RBM6: variants seen among roughly 807,000 people sequenced by gnomAD.
RBM6 encodes RNA-binding protein 6.
Under a neutral mutation model 140.4 loss-of-function variants are expected in RBM6, and 23 were observed. The observed-to-expected ratio is 0.16, with a 90% CI of 0.12 to 0.23. The LOEUF (loss-of-function observed/expected upper bound fraction) is 0.23, where lower values mean the gene tolerates loss of function less well. RBM6 is among the 10% of genes least tolerant of loss of function. RBM6 has a pLI of 1.00. For missense variants in RBM6, 1,139 were observed against 1,386.7 expected, an observed-to-expected ratio of 0.82 and a Z score of 2.84; for synonymous variants, 439 against 475.6, an observed-to-expected ratio of 0.92 and a Z score of 1.00.
chr3:50,003,302 TAAATTTAAA>T (rs2086425844), intron 6 of RBM6, among the ~76,000 whole-genome samples: 1 of 104,290 alleles, frequency 9.6e-6, no homozygotes, highest in Non-Finnish European at 1.9e-5. Context: ...AGACCCTGTC[TAAATTTAAA>T]AAAAAAAAAA....
chr3:50,048,605 A>G (rs979027333), intron 7 of RBM6, among the ~76,000 whole-genome samples: 1 of 152,080 alleles, frequency 6.6e-6, no homozygotes, highest in Non-Finnish European at 1.5e-5. Flanking sequence ...CTTGACATAT[A>G]ATATCTTCTC....
At chr3:50,074,544 C>T (rs1161844812) in intron 19 of RBM6, among the ~76,000 whole-genome samples, 1 of 152,202 alleles carries the variant, frequency 6.6e-6, no homozygotes, top group African/African-American at 2.4e-5. Context: ...TGGTCACGAA[C>T]TCCCAACCTC....
At chr3:49,983,721 T>C (rs1199589971) in intron 5 of RBM6, among the ~76,000 whole-genome samples, 11 of 152,234 alleles carry the variant, frequency 7.2e-5, no homozygotes, top group Non-Finnish European at 1.5e-4. Flanking sequence ...TCAGGTTTGA[T>C]ACAACCTTCG....
At chr3:50,040,168 C>T (rs528696041) in intron 6 of RBM6, among the ~76,000 whole-genome samples, 39 of 152,074 alleles carry the variant, frequency 2.6e-4, no homozygotes, top group Admixed American at 2.0e-3. Flanking sequence ...AGTTCTCGGC[C>T]GGGTGCCCTG....
intron 19 of RBM6, among the ~76,000 whole-genome samples, chr3:50,071,823 C>T (rs891404761): frequency 4.6e-5 from 7 of 151,598 alleles, no homozygotes; most frequent in African/African-American, 1.2e-4. Context: ...TGGTGGCTTA[C>T]GCCTGTAATC....
Position 50,058,487 on chromosome 3 carries a change from C to T in RBM6, c.2055C>T (p.Ala685=), listed in dbSNP as rs748111940. ...VLEPYVRLTT[A]NVRIIKNRTG... Reference sequence around the variant, plus strand: ...AGCCCTATGTCCGCCTTACTACTGCCAACGTCCGTATCATCAAGAACAGAA... The same window carrying T: ...AGCCCTATGTCCGCCTTACTACTGCTAACGTCCGTATCATCAAGAACAGAA... Residue 685 remains alanine (A), a synonymous_variant, in exon 10 of 21, where the codon GCC becomes GCT. Transcript: ENST00000266022. The T allele has an allele frequency of 1.9e-6, 3 of 1,607,170 alleles. No individual in the cohort carries two copies. The highest frequency in any genetic ancestry group is 2.6e-6 in the Non-Finnish European group (3 of 1,173,644).
At chr3:50,025,452 T>A (rs2087746534) in intron 6 of RBM6, among the ~76,000 whole-genome samples, 2 of 151,236 alleles carry the variant, frequency 1.3e-5, no homozygotes, top group East Asian at 3.9e-4. Context: ...CACGGAATTG[T>A]TATTTCTCTT....
chr3:50,008,251 T>C (rs1358355208), intron 6 of RBM6, among the ~76,000 whole-genome samples: 1 of 152,250 alleles, frequency 6.6e-6, no homozygotes. Flanking sequence ...AACCTTCTGA[T>C]ATGTGTCCTA....
chr3:49,962,924 C>G (rs906322093), intron 2 of RBM6: 1 of 307,378 alleles, frequency 3.3e-6, no homozygotes, highest in Admixed American at 5.5e-5. Context: ...GGTGAAACCC[C>G]GTCTCTACTA....
In RBM6 at chr3:49,967,637, A is replaced by G; in HGVS notation, c.212A>G (p.His71Arg). The G allele has an allele frequency of 6.2e-7, 1 of 1,614,142 alleles. No homozygotes were observed. Among genetic ancestry groups the G allele is most frequent in the Non-Finnish European group, 8.5e-7 (1 of 1,180,044 alleles). ...SGPPFANVEE[H>R]SFSYGARDGP... Reference sequence around the variant, plus strand: ...CCTCCTTTTGCAAATGTAGAGGAGCATTCTTTCAGCTATGGAGCTAGAGAC... The same window carrying G: ...CCTCCTTTTGCAAATGTAGAGGAGCGTTCTTTCAGCTATGGAGCTAGAGAC... The change falls in exon 3 of 21, where the codon CAT (histidine) becomes CGT (arginine). Residue 71 changes from histidine (H) to arginine (R), a missense_variant. His to Arg is a conservative substitution (Grantham distance 29). Coordinates refer to ENST00000266022, the MANE Select transcript of RBM6 (RefSeq NM_005777.3). The surrounding 1 kb of genome is among the most constrained non-coding windows in gnomAD (Gnocchi z 4.0).
At chr3:50,070,669 T>C in intron 19 of RBM6, 117 bp downstream of exon 19, 1 of 735,814 alleles carries the variant, frequency 1.4e-6, no homozygotes, top group South Asian at 1.6e-5. Context: ...GTAGATTCTG[T>C]CTGAACTGCT....
chr3:50,061,027 A>T, intron 12 of RBM6, 29 bp downstream of exon 12: 1 of 1,597,670 alleles, frequency 6.3e-7, no homozygotes, highest in Non-Finnish European at 8.5e-7. Context: ...GGAGTGCTCT[A>T]TTAAAATCCT....
In RBM6 at chr3:49,967,242, G is replaced by A. The variant is rs1393518302; in HGVS notation, c.45-228G>A. 43 of 1,307,466 alleles carry A rather than the reference G, an allele frequency of 3.3e-5. No individual in the cohort carries two copies. Among genetic ancestry groups the A allele is most frequent in the Non-Finnish European group, 4.0e-5 (41 of 1,029,174 alleles). The allele number at this position is 1,307,466 out of a possible 1,614,324, so 81.0% of individuals were successfully genotyped here. A position where few individuals can be genotyped will look rare whatever the true frequency, so the allele number is the denominator to read the frequency against. On this transcript the variant is annotated intron_variant, in intron 2 of 20. Transcript: ENST00000266022. This position sits in a 1 kb window ranked among gnomAD's most constrained non-coding sequence, Gnocchi z 4.0. Reference sequence around the variant, plus strand: ...CTGCAGCAGTCATGTTGAAAACCTTGTGTTGACTTTCCTCGTGTTCTGAAA... The same window carrying A: ...CTGCAGCAGTCATGTTGAAAACCTTATGTTGACTTTCCTCGTGTTCTGAAA...
chr3:49,967,662 C>T lies in RBM6; in HGVS notation c.237C>T (p.Asp79=), dbSNP rs772592386. The stretch of plus-strand genomic sequence containing the variant: ...ATTCTTTCAGCTATGGAGCTAGAGA[C>T]GGACCGCATGGTGACTATCGAGGAG... ...EEHSFSYGAR[D]GPHGDYRGGE... is the part of the protein sequence containing the mutation. The change falls in exon 3 of 21, where the codon GAC becomes GAT. Residue 79 remains aspartate (D), a synonymous_variant. Coordinates refer to ENST00000266022, the MANE Select transcript of RBM6 (RefSeq NM_005777.3). This position sits in a 1 kb window ranked among gnomAD's most constrained non-coding sequence, Gnocchi z 4.0. 5.9e-5 allele frequency: 96 copies of T among 1,613,904 alleles called. No individual in the cohort carries two copies. Among genetic ancestry groups the T allele is most frequent in the Middle Eastern group, 1.6e-4 (1 of 6,084 alleles).
rs183356502 is a variant in RBM6 at position 49,965,896 on chromosome 3, T to C, written c.45-1574T>C. 1.2e-4 allele frequency among the ~76,000 whole-genome samples: 18 copies of C among 152,022 alleles called. No individual in the cohort carries two copies. In the East Asian group the frequency reaches 2.3e-3, roughly 20 times the overall value. On this transcript the variant is annotated intron_variant, in intron 2 of 20. Transcript: ENST00000266022. ...AACCCTAACCTTGGGGAGACAGAGATGGGTGGCTCACCTGAGGTCAAGAGT... is the reference window on the plus strand; with the variant it reads ...AACCCTAACCTTGGGGAGACAGAGACGGGTGGCTCACCTGAGGTCAAGAGT...
chr3:50,002,271 T>C (rs1434555951), intron 6 of RBM6, among the ~76,000 whole-genome samples: 3 of 150,940 alleles, frequency 2.0e-5, no homozygotes, highest in African/African-American at 7.3e-5. Flanking sequence ...TTTCTTTTTT[T>C]TTTTTTTTGA....
intron 6 of RBM6, among the ~76,000 whole-genome samples, chr3:50,003,648 C>A (rs1327771518): frequency 6.6e-6 from 1 of 152,194 alleles, no homozygotes; most frequent in Non-Finnish European, 1.5e-5. Context: ...TAACCAAGGT[C>A]CCTCTAGCCT....
rs570349065 is a variant in RBM6, at chr3:50,073,031, T to C, written c.3117-2170T>C. 7.1e-4 allele frequency among the ~76,000 whole-genome samples: 108 copies of C among 152,266 alleles called. 1 individual carries two copies. Among genetic ancestry groups the C allele is most frequent in the Admixed American group, 1.1e-3 (17 of 15,278 alleles). ...GCTGCTCTACCCTCTTGACCTGGGCTTTCTAAGGTACCCATGGCCTCAACC... is the reference window on the plus strand; with the variant it reads ...GCTGCTCTACCCTCTTGACCTGGGCCTTCTAAGGTACCCATGGCCTCAACC... On this transcript the variant is annotated intron_variant, in intron 19 of 20. Transcript: ENST00000266022.
intron 2 of RBM6, among the ~76,000 whole-genome samples, chr3:49,965,281 A>G (rs1401510886): frequency 1.3e-5 from 2 of 152,214 alleles, no homozygotes; most frequent in African/African-American, 4.8e-5. Context: ...TGAAGCTTAA[A>G]TCTTCCTGCA....
Sources: allele counts gnomAD v4.1 joint callset (sites outside exome capture counted in the v4.1 genomes callset), GRCh38; gene constraint gnomAD v4.1.1; non-coding constraint Gnocchi (gnomAD v3.1); transcripts MANE v1.5; gene names NCBI Gene and HGNC (gene_info 2026-07-23, HGNC 2026-07-21).